FN1: variants seen among roughly 807,000 people sequenced by gnomAD.
FN1 encodes fibronectin 1.
In FN1, 106 loss-of-function variants were observed where a neutral mutation model predicts 297.3. The ratio of observed to expected loss-of-function variants is 0.36; its 90% CI spans 0.30 to 0.42. FN1 has a LOEUF of 0.42. Among genes scored for constraint, FN1 ranks in the 10% least tolerant of loss-of-function variants. The pLI, the probability that FN1 is intolerant of heterozygous loss-of-function variation, is 1.00. For missense variants in FN1, 2,690 were observed against 3,124.9 expected (o/e 0.86, Z 3.32); for synonymous variants, 1,149 against 1,152.6 (o/e 1.00, Z 0.06).
rs774830493 is a variant in FN1 at position 215,397,708 on chromosome 2, A to G, written c.3489T>C (p.Asp1163=). Residue 1163 remains aspartate, a synonymous_variant, in exon 22 of 46, where the codon GAT becomes GAC. Coordinates refer to ENST00000354785, the MANE Select transcript of FN1 (RefSeq NM_212482.4). ...IQVLRDGQER[D]APIVNKVVTP... is the part of the protein sequence containing the mutation. ...TCACCACTTTGTTTACAATTGGCGCATCTCTTTCCTGTCCATCTCTCAGGA... is the reference window on the plus strand; with the variant it reads ...TCACCACTTTGTTTACAATTGGCGCGTCTCTTTCCTGTCCATCTCTCAGGA... 6.8e-6 allele frequency: 11 copies of G among 1,614,044 alleles called. No homozygotes were observed. Among genetic ancestry groups the G allele is most frequent in the Middle Eastern group, 1.6e-4 (1 of 6,084 alleles).
intron 33 of FN1, 165 bp from the exon 34 acceptor site, chr2:215,379,482 A>C: frequency 1.6e-6 from 1 of 627,306 alleles, no homozygotes; most frequent in Non-Finnish European, 2.9e-6. Flanking sequence ...GGGATGCAAA[A>C]TGAAGAAAGT....
chr2:215,390,752 C>G, intron 26 of FN1, among the ~76,000 whole-genome samples: 1 of 152,122 alleles, frequency 6.6e-6, no homozygotes, highest in East Asian at 1.9e-4. Context: ...CCCTCAGCCA[C>G]AAAGTAAGAA....
intron 13 of FN1, chr2:215,414,628 AAAAC>A (rs901295050): frequency 2.3e-6 from 3 of 1,325,888 alleles, no homozygotes; most frequent in African/African-American, 1.5e-5. Flanking sequence ...CCACCGCAAA[AAAAC>A]AAAACCCAAA....
At chr2:215,391,451 T>C (rs1288945120) in intron 26 of FN1, among the ~76,000 whole-genome samples, 181 bp downstream of exon 26, 2 of 152,228 alleles carry the variant, frequency 1.3e-5, no homozygotes, top group African/African-American at 4.8e-5. Flanking sequence ...ATCAAAAGTA[T>C]ATTAAGATAG....
intron 4 of FN1, among the ~76,000 whole-genome samples, chr2:215,431,176 AT>A (rs1181678449): frequency 6.6e-6 from 1 of 152,244 alleles, no homozygotes; most frequent in Non-Finnish European, 1.5e-5. Context: ...GAGACTACAT[AT>A]GCAAAATTCC....
chr2:215,417,216 G>A (rs892859776), intron 12 of FN1, among the ~76,000 whole-genome samples: 1 of 151,938 alleles, frequency 6.6e-6, no homozygotes, highest in African/African-American at 2.4e-5. Context: ...AACTTAATTG[G>A]CATATACTAG....
intron 21 of FN1, among the ~76,000 whole-genome samples, chr2:215,399,027 G>A (rs1015628933): frequency 1.3e-5 from 2 of 152,192 alleles, no homozygotes; most frequent in Admixed American, 1.3e-4. Context: ...TCGTGCTAAT[G>A]TTTTATCCTT....
chr2:215,372,320 G>A lies in FN1; in HGVS notation c.6303C>T (p.Ile2101=), dbSNP rs753719824. ...TTTGAACTGTGGAAGGAACATCCAA[G>A]ATCTCTGGTCCATGAAGATTGGGGT... ...LPHPNLHGPE[I]LDVPSTVQKT... is the part of the protein sequence containing the mutation. Residue 2101 remains isoleucine (I), a synonymous_variant, in exon 40 of 46, where the codon ATC becomes ATT. Coordinates refer to ENST00000354785, the MANE Select transcript of FN1 (RefSeq NM_212482.4). 1 of 1,614,232 alleles carries A rather than the reference G, an allele frequency of 6.2e-7. No homozygotes were observed. The highest frequency in any genetic ancestry group is 8.5e-7 in the Non-Finnish European group (1 of 1,180,040).
intron 30 of FN1, 111 bp from the exon 31 acceptor site, chr2:215,383,594 A>T: frequency 1.8e-6 from 2 of 1,124,388 alleles, no homozygotes; most frequent in Non-Finnish European, 1.4e-6. Context: ...TTACATGAGA[A>T]AGGTATTTCT....
rs1237260019 is a variant in FN1 at position 215,404,633 on chromosome 2, G to C, written c.3009C>G (p.Leu1003=). 2 of 1,613,948 alleles carry C rather than the reference G, an allele frequency of 1.2e-6. No homozygotes were observed. Among genetic ancestry groups the C allele is most frequent in the African/African-American group, 1.3e-5 (1 of 75,052 alleles). The change falls in exon 20 of 46, where the codon CTC becomes CTG. Residue 1003 remains leucine, a synonymous_variant. Transcript: ENST00000354785. Reference sequence around the variant, plus strand: ...TAGAATCAGTTTCATTGACAAACTGGAGGTTAGTGGGAGCATCCAGTTCTA... The same window carrying C: ...TAGAATCAGTTTCATTGACAAACTGCAGGTTAGTGGGAGCATCCAGTTCTA... ...QTTKLDAPTN[L]QFVNETDSTV...
rs746344265 is a variant in FN1 at position 215,361,615 on chromosome 2, G to A, written c.7374C>T (p.Cys2458=). 1.2e-6 allele frequency: 2 copies of A among 1,609,698 alleles called. No homozygotes were observed. The highest frequency in any genetic ancestry group is 1.7e-5 in the Admixed American group (1 of 59,964). ...CTAAAGGCATGAAGCACTCAATTGG[G>A]CAATTAACATTCTGTTAAAAAGGAA... ...YHQRTNTNVN[C]PIECFMPLDV... is the part of the protein sequence containing the mutation. Residue 2458 remains cysteine, a synonymous_variant, in exon 46 of 46, where the codon TGC becomes TGT. Coordinates refer to ENST00000354785, the MANE Select transcript of FN1 (RefSeq NM_212482.4).
At chr2:215,419,867 G>T (rs1243027240) in intron 11 of FN1, among the ~76,000 whole-genome samples, 1 of 152,100 alleles carries the variant, frequency 6.6e-6, no homozygotes, top group African/African-American at 2.4e-5. Context: ...AACCTCTCAG[G>T]CTTCTCTCTC....
In FN1 at chr2:215,361,520, G is replaced by A. The variant is rs1431790785; in HGVS notation, c.*35C>T. On this transcript the variant is annotated 3_prime_UTR_variant, in exon 46 of 46. Transcript: ENST00000354785. ...TCCAGTTTAGATGGATCTTGGCAGAGAGACATGCTTGTTCCTCTGGATTGG... is the reference window on the plus strand; with the variant it reads ...TCCAGTTTAGATGGATCTTGGCAGAAAGACATGCTTGTTCCTCTGGATTGG... The A allele has an allele frequency of 2.1e-6, 3 of 1,424,824 alleles. No homozygotes were observed. Among genetic ancestry groups the A allele is most frequent in the South Asian group, 1.1e-5 (1 of 87,308 alleles). The allele number at this position is 1,424,824 out of a possible 1,614,324, so 88.3% of individuals were successfully genotyped here.
chr2:215,433,337 G>T lies in FN1; in HGVS notation c.402C>A (p.Ser134Arg). The change falls in exon 3 of 46, where the codon AGC (serine) becomes AGA (arginine). Residue 134 changes from serine to arginine, a missense_variant. Physicochemically the swap from Ser to Arg is moderately radical, Grantham distance 110 (BLOSUM62 -1). This residue lies in a region of FN1 where 876 missense variants were observed against 1,058.1 expected (regional missense o/e 0.83). Transcript: ENST00000354785. ...TCIGAGRGRI[S>R]CTIANRCHEG... ...TCTCTTCCTTACTTGCGATGGTACA[G>T]CTTATTCTCCCTCGCCCAGCCCCGA... 6.2e-7 allele frequency: 1 copy of T among 1,614,144 alleles called. No individual in the cohort carries two copies. Among genetic ancestry groups the T allele is most frequent in the Non-Finnish European group, 8.5e-7 (1 of 1,179,994 alleles).
rs1490788756 is a variant in FN1, at chr2:215,404,610, G to A, written c.3032C>T (p.Ser1011Phe). The A allele has an allele frequency of 2.5e-5, 40 of 1,613,884 alleles. No individual in the cohort carries two copies. Among genetic ancestry groups the A allele is most frequent in the Non-Finnish European group, 3.4e-5 (40 of 1,179,760 alleles). ...TGGAGTCCATCTCACCAGGACAGTA[G>A]AATCAGTTTCATTGACAAACTGGAG... ...TNLQFVNETD[S>F]TVLVRWTPPR... is the part of the protein sequence containing the mutation. Residue 1011 changes from serine (S) to phenylalanine (F), a missense_variant, in exon 20 of 46, where the codon TCT becomes TTT. Ser to Phe is a radical substitution (Grantham distance 155). Around this residue, in one of 3 missense-constraint regions of FN1, gnomAD observed 1,743 missense variants for 1,945.2 expected, o/e 0.90. Transcript: ENST00000354785.
chr2:215,426,636 C>T (rs17517928), intron 6 of FN1, among the ~76,000 whole-genome samples: 35,369 of 151,918 alleles, frequency 0.23, 4,259 homozygotes, highest in Middle Eastern at 0.28. Flanking sequence ...GGAGACATGG[C>T]GCCCATCCCC....
intron 28 of FN1, among the ~76,000 whole-genome samples, 163 bp from the exon 29 acceptor site, chr2:215,385,139 G>A (rs537109131): frequency 6.6e-6 from 1 of 151,454 alleles, no homozygotes; most frequent in African/African-American, 2.4e-5. Context: ...TTCAAGATAA[G>A]GGGTTACAGA....
At chr2:215,382,160 C>T (rs1273777113) in intron 32 of FN1, 52 bp downstream of exon 32, 1 of 1,201,744 alleles carries the variant, frequency 8.3e-7, no homozygotes, top group Non-Finnish European at 1.2e-6. Context: ...CATTCAGACA[C>T]CCAAGAACAA....
intron 24 of FN1, 124 bp from the exon 25 acceptor site, chr2:215,393,327 A>G: frequency 1.2e-6 from 1 of 849,988 alleles, no homozygotes; most frequent in Non-Finnish European, 1.8e-6. Flanking sequence ...TAAAGCAATG[A>G]TGGTAATATG....
Sources: gnomAD v4.1 joint callset for allele counts (sites outside exome capture counted in the v4.1 genomes callset) on GRCh38, gnomAD v4.1.1 for gene constraint, gnomAD v4.1.1 regional missense constraint, MANE v1.5 for transcripts, NCBI Gene and HGNC (gene_info 2026-07-23, HGNC 2026-07-21) for gene names.